Variants in KLF8 observed in about 807,000 individuals in gnomAD.
The protein encoded by KLF8 is KLF transcription factor 8, also known as Krueppel-like factor 8.
A neutral mutation model predicts 18.2 loss-of-function variants in KLF8; 10 were observed. The observed-to-expected ratio is 0.55, with a 90% CI of 0.34 to 0.93. KLF8 has a LOEUF of 0.93. Ranked by LOEUF, KLF8 falls within the 40% of genes least tolerant of loss-of-function variation. The probability of loss-of-function intolerance (pLI) is 0.02; values close to 1 mark genes in which losing one functional copy is unlikely to be tolerated. For missense variants in KLF8, 264 were observed against 277.9 expected (o/e 0.95, Z 0.36); for synonymous variants, 109 against 97.3 (o/e 1.12, Z -0.71).
Position 56,262,616 on chromosome X carries a change from C to G in KLF8, c.82-2564C>G, listed in dbSNP as rs149192036. ...GTTGTGTTTATTTATACACCTGCAC[C>G]CACAACTATATTCTTACAGAAAATG... is the stretch of plus-strand genomic sequence containing the variant. On this transcript the variant is annotated intron_variant, in intron 2 of 5. Coordinates refer to ENST00000468660, the MANE Select transcript of KLF8 (RefSeq NM_007250.5). Among the ~76,000 whole-genome samples, 458 of 111,002 alleles carry G rather than the reference C, an allele frequency of 4.1e-3. 1 individual carries two copies. The highest frequency in any genetic ancestry group is 0.023 in the South Asian group (61 of 2,610).
the KLF8 span, among the ~76,000 whole-genome samples, chrX:56,205,852 G>C: frequency 9.0e-6 from 1 of 111,400 alleles, no homozygotes; most frequent in Non-Finnish European, 1.9e-5. Context: ...TCATCTGTTT[G>C]TGTTTTGGAT....
At chrX:56,259,886 T>A (rs2066861211) in intron 2 of KLF8, among the ~76,000 whole-genome samples, 1 of 111,922 alleles carries the variant, frequency 8.9e-6, no homozygotes, top group Admixed American at 9.5e-5. Context: ...TTCCTAGAAT[T>A]GCTGAAACAA....
At chrX:55,989,796 A>G in the KLF8 span, among the ~76,000 whole-genome samples, 1 of 111,391 alleles carries the variant, frequency 9.0e-6, no homozygotes, top group Admixed American at 9.5e-5. Flanking sequence ...TCCTCCTTGT[A>G]CCTCTGGTAG....
chrX:56,104,665 G>T, the KLF8 span, among the ~76,000 whole-genome samples: 107 of 111,343 alleles, frequency 9.6e-4, 1 homozygote, highest in African/African-American at 3.2e-3. Context: ...CAAAAAACCA[G>T]CTCCTGGATT....
chrX:56,042,723 A>ATG, the KLF8 span, among the ~76,000 whole-genome samples: 4 of 111,084 alleles, frequency 3.6e-5, no homozygotes, highest in East Asian at 1.1e-3. Flanking sequence ...TTTTGAGCCT[A>ATG]TGTGTGTGTT....
At chrX:56,088,467 G>A in the KLF8 span, among the ~76,000 whole-genome samples, 1 of 111,341 alleles carries the variant, frequency 9.0e-6, no homozygotes, top group Non-Finnish European at 1.9e-5. Flanking sequence ...TAATAAACAA[G>A]GAGAATTAAG....
chrX:56,126,525 C>G, the KLF8 span, among the ~76,000 whole-genome samples: 2 of 111,009 alleles, frequency 1.8e-5, no homozygotes, highest in Admixed American at 1.9e-4. Context: ...AGTGGCTTCC[C>G]ATATTATTCA....
At position 56,265,431 on chromosome X, in the gene KLF8, C is replaced by T; in HGVS notation, c.333C>T (p.Pro111=). Residue 111 remains proline, a synonymous_variant, in exon 3 of 6, where the codon CCC becomes CCT. Transcript: ENST00000468660. The part of the protein sequence containing the change: ...ASMLQAPIRP[P]KPQSSPQTLV... The stretch of plus-strand genomic sequence containing the variant: ...TGCTACAAGCTCCAATACGTCCCCC[C>T]AAGCCACAGTCTTCTCCCCAGACCC... The T allele has an allele frequency of 1.7e-6, 2 of 1,211,750 alleles. No individual in the cohort carries two copies. The highest frequency in any genetic ancestry group is 2.2e-6 in the Non-Finnish European group (2 of 895,357).
chrX:56,184,069 C>T, the KLF8 span, among the ~76,000 whole-genome samples: 5 of 112,492 alleles, frequency 4.4e-5, no homozygotes, highest in African/African-American at 1.6e-4. Context: ...CAGAGTGAGG[C>T]ATTGCCTCAC....
chrX:56,150,070 T>TTTACTGAG, the KLF8 span, among the ~76,000 whole-genome samples: 2 of 112,117 alleles, frequency 1.8e-5, no homozygotes, highest in African/African-American at 6.5e-5. Context: ...AGACTCAGTC[T>TTTACTGAG]TCTCTGTTGT....
At chrX:56,001,680 C>T in the KLF8 span, among the ~76,000 whole-genome samples, 34 of 111,909 alleles carry the variant, frequency 3.0e-4, no homozygotes, top group Non-Finnish European at 5.6e-5. Flanking sequence ...GCTCTTCAAC[C>T]TCATAGTCAT....
At chrX:56,179,110 C>A in the KLF8 span, among the ~76,000 whole-genome samples, 36 of 112,156 alleles carry the variant, frequency 3.2e-4, no homozygotes, top group Admixed American at 1.9e-4. Context: ...TTCTTCCTAT[C>A]CATTAGCGTG....
chrX:56,051,226 T>G, the KLF8 span, among the ~76,000 whole-genome samples: 1 of 111,681 alleles, frequency 9.0e-6, no homozygotes, highest in Admixed American at 9.5e-5. Flanking sequence ...TTATCCAATT[T>G]GCCAGTCTGT....
the KLF8 span, among the ~76,000 whole-genome samples, chrX:56,008,483 A>G: frequency 2.7e-5 from 3 of 112,169 alleles, no homozygotes. Flanking sequence ...TCTATCCCAC[A>G]TGGGAAACCA....
chrX:55,924,732 T>G, the KLF8 span, among the ~76,000 whole-genome samples: 1 of 110,199 alleles, frequency 9.1e-6, no homozygotes, highest in Non-Finnish European at 1.9e-5. Flanking sequence ...AAAGCACATG[T>G]GAAAATCAGT....
At chrX:55,971,209 A>T in the KLF8 span, among the ~76,000 whole-genome samples, 45 of 111,621 alleles carry the variant, frequency 4.0e-4, no homozygotes, top group African/African-American at 1.3e-3. Flanking sequence ...TGGCATAAAA[A>T]TAGGCACATA....
At chrX:56,080,653 C>G in the KLF8 span, among the ~76,000 whole-genome samples, 4 of 110,777 alleles carry the variant, frequency 3.6e-5, no homozygotes, top group African/African-American at 1.3e-4. Context: ...CGAGGAGTAT[C>G]TTTGTGGCAT....
At chrX:56,133,612 G>A in the KLF8 span, among the ~76,000 whole-genome samples, 1 of 111,390 alleles carries the variant, frequency 9.0e-6, no homozygotes, top group South Asian at 3.7e-4. Context: ...AAGAAGACAA[G>A]GATGCCCACT....
chrX:56,279,889 T>C (rs2067175711), intron 5 of KLF8, among the ~76,000 whole-genome samples: 1 of 111,988 alleles, frequency 8.9e-6, no homozygotes, highest in Non-Finnish European at 1.9e-5. Flanking sequence ...TACTTTTCTC[T>C]ATTGCTAGTA....
Sources: gnomAD v4.1 joint callset for allele counts (sites outside exome capture counted in the v4.1 genomes callset) on GRCh38, gnomAD v4.1.1 for gene constraint, MANE v1.5 for transcripts, NCBI Gene and HGNC (gene_info 2026-07-23, HGNC 2026-07-21) for gene names.